Variants in RARB observed in about 807,000 individuals in gnomAD.
RARB encodes retinoic acid receptor beta.
In RARB, 17 loss-of-function variants were observed where a neutral mutation model predicts 51.9. The observed-to-expected ratio is 0.33, with a 90% CI of 0.22 to 0.49. The LOEUF (loss-of-function observed/expected upper bound fraction) is 0.49. Ranked by LOEUF, RARB falls within the 20% of genes least tolerant of loss-of-function variation. RARB has a pLI of 0.99. For synonymous variants in RARB, 215 were observed against 195.4 expected (o/e 1.10, Z -0.84); for missense variants, 369 against 550.8 (o/e 0.67, Z 3.30).
chr3:25,391,646 G>A (rs1486604795), intron 5 of RARB, among the ~76,000 whole-genome samples: 2 of 152,170 alleles, frequency 1.3e-5, no homozygotes, highest in Non-Finnish European at 2.9e-5. Flanking sequence ...AATTAGTGAT[G>A]TGGGGCATTT....
chr3:25,485,640 C>A (rs1047679003), intron 2 of RARB, among the ~76,000 whole-genome samples: 3 of 152,174 alleles, frequency 2.0e-5, no homozygotes, highest in African/African-American at 7.2e-5. Context: ...AGTCTCCTGC[C>A]AGGCCAAAAA....
Position 24,901,823 on chromosome 3 carries a change from G to A in RARB, c.-380+43071G>A, listed in dbSNP as rs1047018157. 1.2e-4 allele frequency among the ~76,000 whole-genome samples: 18 copies of A among 152,174 alleles called. 1 individual carries two copies. Among genetic ancestry groups the A allele is most frequent in the South Asian group, 8.3e-4 (4 of 4,822 alleles). On this transcript the variant is annotated intron_variant, in intron 2 of 11. Coordinates refer to the RARB transcript ENST00000383772. Reference sequence around the variant, plus strand: ...TTTTAAGATGTACAGCCATTAGGCCGTTATGTAGGGCCAACATCTTATTGA... The same window carrying A: ...TTTTAAGATGTACAGCCATTAGGCCATTATGTAGGGCCAACATCTTATTGA...
chr3:25,257,400 G>C (rs1702892331), intron 5 of RARB, among the ~76,000 whole-genome samples: 2 of 152,044 alleles, frequency 1.3e-5, no homozygotes, highest in African/African-American at 4.8e-5. Context: ...GAGAAGAGGA[G>C]ATACTCATAG....
chr3:24,862,284 T>C (rs1411474330), intron 2 of RARB, among the ~76,000 whole-genome samples: 2 of 152,204 alleles, frequency 1.3e-5, no homozygotes, highest in East Asian at 3.9e-4. Flanking sequence ...TATTAAAGGC[T>C]ATAGTGATTA....
At chr3:25,025,221 C>T (rs1697722897) in intron 2 of RARB, 1 of 152,212 alleles carries the variant, frequency 6.6e-6, no homozygotes, top group Admixed American at 6.5e-5. Flanking sequence ...CTACATAGCA[C>T]TTCCAAGATG....
chr3:25,186,708 C>T (rs1368184009), intron 5 of RARB, among the ~76,000 whole-genome samples: 6 of 152,070 alleles, frequency 3.9e-5, no homozygotes, highest in African/African-American at 1.4e-4. Context: ...AGGGTGCCAA[C>T]ATTTTTATAA....
At chr3:25,379,146 T>A (rs997978073) in intron 5 of RARB, among the ~76,000 whole-genome samples, 1 of 152,206 alleles carries the variant, frequency 6.6e-6, no homozygotes, top group Non-Finnish European at 1.5e-5. Context: ...AGCCTTGGTG[T>A]GTACAAACTC....
intron 2 of RARB, among the ~76,000 whole-genome samples, chr3:25,023,919 T>C (rs1697691141): frequency 6.6e-6 from 1 of 152,176 alleles, no homozygotes; most frequent in African/African-American, 2.4e-5. Flanking sequence ...TGTGACTGTG[T>C]GTGTATGTGT....
At chr3:25,005,580 C>T (rs568702286) in intron 2 of RARB, among the ~76,000 whole-genome samples, 1 of 152,240 alleles carries the variant, frequency 6.6e-6, no homozygotes, top group African/African-American at 2.4e-5. Flanking sequence ...TAAGAGATAG[C>T]AAGATGGAAG....
intron 5 of RARB, among the ~76,000 whole-genome samples, chr3:25,336,122 A>T (rs1705055728): frequency 6.6e-6 from 1 of 152,210 alleles, no homozygotes. Flanking sequence ...AAAAAAGGAA[A>T]TAAAATTATG....
intron 5 of RARB, among the ~76,000 whole-genome samples, chr3:25,266,636 G>A (rs981356751): frequency 2.0e-5 from 3 of 152,162 alleles, no homozygotes; most frequent in Admixed American, 2.0e-4. Flanking sequence ...CAAAATTCCT[G>A]TGTTGAAGCC....
At chr3:25,436,096 A>G (rs1258488874) in intron 1 of RARB, among the ~76,000 whole-genome samples, 1 of 152,192 alleles carries the variant, frequency 6.6e-6, no homozygotes, top group Non-Finnish European at 1.5e-5. Context: ...TAAGATCGTC[A>G]GGGGTTTCAT....
At chr3:25,150,965 G>A (rs1700278272) in intron 4 of RARB, among the ~76,000 whole-genome samples, 1 of 152,220 alleles carries the variant, frequency 6.6e-6, no homozygotes, top group Admixed American at 6.5e-5. Flanking sequence ...TACGTTGGGG[G>A]TGAGGGGATG....
intron 4 of RARB, among the ~76,000 whole-genome samples, chr3:25,146,662 G>A (rs1187485562): frequency 4.6e-5 from 7 of 150,848 alleles, no homozygotes; most frequent in African/African-American, 1.5e-4. Flanking sequence ...CTGCCACCGC[G>A]CCCGGCTAAT....
chr3:25,495,912 A>T (rs1697002987), intron 2 of RARB, among the ~76,000 whole-genome samples: 1 of 152,244 alleles, frequency 6.6e-6, no homozygotes, highest in South Asian at 2.1e-4. Flanking sequence ...ATTCGTGATT[A>T]GCCAGCAGAA....
intron 5 of RARB, among the ~76,000 whole-genome samples, chr3:25,297,232 A>T (rs962882540): frequency 1.3e-5 from 2 of 152,152 alleles, no homozygotes; most frequent in Non-Finnish European, 2.9e-5. Context: ...ATAACTCAGG[A>T]TAAAGTAAGG....
chr3:25,065,583 G>A (rs1282898379), intron 3 of RARB, among the ~76,000 whole-genome samples: 2 of 152,170 alleles, frequency 1.3e-5, no homozygotes, highest in African/African-American at 4.8e-5. Context: ...CACTGACCAA[G>A]ATACAGATAC....
intron 3 of RARB, among the ~76,000 whole-genome samples, chr3:25,553,732 T>C (rs533501417): frequency 6.6e-6 from 1 of 152,262 alleles, no homozygotes; most frequent in African/African-American, 2.4e-5. Context: ...CCTGGCAGGA[T>C]TGGACGCCAT....
intron 5 of RARB, among the ~76,000 whole-genome samples, chr3:25,210,456 T>C (rs1479662909): frequency 1.3e-5 from 2 of 151,544 alleles, no homozygotes; most frequent in Admixed American, 6.6e-5. Flanking sequence ...TATATATGGG[T>C]GTTTTCTCAC....
Sources: gnomAD v4.1 joint callset for allele counts (sites outside exome capture counted in the v4.1 genomes callset) on GRCh38, gnomAD v4.1.1 for gene constraint, MANE v1.5 for transcripts, NCBI Gene and HGNC (gene_info 2026-07-23, HGNC 2026-07-21) for gene names.